The following ASRGL1 variants were observed in gnomAD, a reference collection of about 807,000 sequenced individuals.
ASRGL1 encodes isoaspartyl peptidase/L-asparaginase.
ASRGL1 carries 16 observed loss-of-function variants against 22.4 expected under a neutral mutation model. The observed-to-expected ratio is 0.71, with a 90% CI of 0.48 to 1.08. The LOEUF (loss-of-function observed/expected upper bound fraction) is 1.08, where lower values mean the gene tolerates loss of function less well. Ranked by LOEUF, ASRGL1 falls within the 50% of genes least tolerant of loss-of-function variation. ASRGL1 has a pLI of 0.00. For missense variants in ASRGL1, 412 were observed against 410.1 expected (o/e 1.00, Z -0.04); for synonymous variants, 165 against 159.3 (o/e 1.04, Z -0.27).
At chr11:62,358,738 A>G (rs773758288) in intron 4 of ASRGL1, among the ~76,000 whole-genome samples, 3 of 152,174 alleles carry the variant, frequency 2.0e-5, no homozygotes, top group Admixed American at 6.5e-5. Context: ...AACACCACTC[A>G]GCCATCAAGG....
intron 2 of ASRGL1, 23 bp downstream of exon 2, chr11:62,338,190 A>G (rs746536552): frequency 1.3e-6 from 2 of 1,518,914 alleles, no homozygotes; most frequent in Non-Finnish European, 1.8e-6. Flanking sequence ...TTCAGCTAGT[A>G]AATAATGTGA....
chr11:62,362,094 C>T (rs1229895949), intron 4 of ASRGL1, among the ~76,000 whole-genome samples: 1 of 152,098 alleles, frequency 6.6e-6, no homozygotes, highest in South Asian at 2.1e-4. Flanking sequence ...TACTATGTGA[C>T]ATATACAGCC....
chr11:62,401,359 G>A, the ASRGL1 span, among the ~76,000 whole-genome samples: 2 of 152,178 alleles, frequency 1.3e-5, no homozygotes, highest in African/African-American at 2.4e-5. Flanking sequence ...TGAGAACAGA[G>A]ACCACCTCTG....
chr11:62,398,638 C>A, the ASRGL1 span, among the ~76,000 whole-genome samples: 5 of 152,212 alleles, frequency 3.3e-5, no homozygotes, highest in East Asian at 3.9e-4. Context: ...CTCCTCCTCC[C>A]ATCTGCTCCC....
chr11:62,338,064 A>G lies in ASRGL1; in HGVS notation c.87A>G (p.Arg29=). 6.2e-7 allele frequency: 1 copy of G among 1,608,202 alleles called. No homozygotes were observed. The highest frequency in any genetic ancestry group is 8.5e-7 in the Non-Finnish European group (1 of 1,177,798). The change falls in exon 2 of 7, where the codon AGA becomes AGG. Residue 29 remains arginine, a synonymous_variant. Transcript: ENST00000415229. ...RKERVHQGMV[R]AATVGYGILR... ...AGCGAGTGCACCAGGGCATGGTCAG[A>G]GCCGCCACCGTGGGCTACGGCATCC... is the stretch of plus-strand genomic sequence containing the variant.
At chr11:62,366,973 G>A (rs1190752036) in intron 4 of ASRGL1, among the ~76,000 whole-genome samples, 1 of 152,206 alleles carries the variant, frequency 6.6e-6, no homozygotes, top group Non-Finnish European at 1.5e-5. Context: ...GGGAGGCTGA[G>A]GCGGGTGGAT....
intron 5 of ASRGL1, among the ~76,000 whole-genome samples, chr11:62,390,468 C>G (rs1462175109): frequency 6.6e-6 from 1 of 152,190 alleles, no homozygotes; most frequent in East Asian, 1.9e-4. Context: ...AGGACAGCTT[C>G]ACACGCCCGA....
chr11:62,366,495 A>G (rs1475041239), intron 4 of ASRGL1, among the ~76,000 whole-genome samples: 2 of 132,540 alleles, frequency 1.5e-5, no homozygotes, highest in African/African-American at 5.0e-5. Flanking sequence ...TTCCTTATCT[A>G]ACAGGTAAAG....
chr11:62,376,762 G>T (rs10897264), intron 4 of ASRGL1, among the ~76,000 whole-genome samples: 117,945 of 152,010 alleles, frequency 0.78, 46,002 homozygotes, highest in South Asian at 0.84. Context: ...AATTTTCCAC[G>T]GATTTAAGAA....
intron 4 of ASRGL1, chr11:62,372,635 G>C: frequency 1.1e-6 from 1 of 910,934 alleles, no homozygotes; most frequent in African/African-American, 1.6e-5. Flanking sequence ...ACCACATGCT[G>C]GTCCTGGACT....
Position 62,361,486 on chromosome 11 carries a change from T to A in ASRGL1, c.491+4342T>A, listed in dbSNP as rs902453878. On this transcript the variant is annotated intron_variant, in intron 4 of 6. Coordinates refer to ENST00000415229, the MANE Select transcript of ASRGL1 (RefSeq NM_001083926.2). ...TGAGCCACCAAACCTGGCCAATTTT[T>A]TTTTTTTTTTTTTTTTTTTTGAGAC... 7.7e-3 allele frequency among the ~76,000 whole-genome samples: 1,100 copies of A among 143,716 alleles called. 12 individuals carry two copies. The highest frequency in any genetic ancestry group is 0.012 in the Non-Finnish European group (759 of 65,536). The allele number at this position is 143,716 out of a possible 152,430, so 94.3% of individuals were successfully genotyped here. A position where few individuals can be genotyped will look rare whatever the true frequency, so the allele number is the denominator to read the frequency against.
downstream of ASRGL1, among the ~76,000 whole-genome samples, chr11:62,396,946 C>G (rs567355258): frequency 6.6e-6 from 1 of 152,202 alleles, no homozygotes; most frequent in Non-Finnish European, 1.5e-5. Context: ...AATACTGAGG[C>G]TCCTCTCAGC....
intron 4 of ASRGL1, among the ~76,000 whole-genome samples, chr11:62,374,323 G>A (rs1300122809): frequency 1.3e-5 from 2 of 152,198 alleles, no homozygotes; most frequent in Non-Finnish European, 2.9e-5. Flanking sequence ...ACTGCACTGA[G>A]TGAGTTATGA....
At chr11:62,344,078 A>G (rs998731532) in intron 2 of ASRGL1, among the ~76,000 whole-genome samples, 1 of 151,868 alleles carries the variant, frequency 6.6e-6, no homozygotes, top group Non-Finnish European at 1.5e-5. Context: ...TTGTATTTTT[A>G]GTAGACATGG....
At chr11:62,379,706 C>A (rs954017713) in intron 4 of ASRGL1, among the ~76,000 whole-genome samples, 1 of 152,182 alleles carries the variant, frequency 6.6e-6, no homozygotes, top group Non-Finnish European at 1.5e-5. Flanking sequence ...AAATCTACTG[C>A]TACACTGCCG....
downstream of ASRGL1, among the ~76,000 whole-genome samples, chr11:62,395,232 G>A (rs1947417320): frequency 6.6e-6 from 1 of 152,170 alleles, no homozygotes; most frequent in Admixed American, 6.5e-5. Context: ...CTCTGCCCTG[G>A]GCGCTGCCAG....
chr11:62,364,256 C>T (rs1379317898), intron 4 of ASRGL1, among the ~76,000 whole-genome samples: 2 of 136,316 alleles, frequency 1.5e-5, no homozygotes, highest in Non-Finnish European at 3.2e-5. Context: ...TGTGTGTGTG[C>T]GCGTGCATGT....
intron 4 of ASRGL1, among the ~76,000 whole-genome samples, chr11:62,377,800 A>G (rs1007089613): frequency 2.6e-5 from 4 of 152,182 alleles, no homozygotes; most frequent in Admixed American, 2.0e-4. Flanking sequence ...AATTAATGTA[A>G]CTATTTGATC....
At chr11:62,399,408 T>G in the ASRGL1 span, among the ~76,000 whole-genome samples, 5 of 152,182 alleles carry the variant, frequency 3.3e-5, no homozygotes, top group African/African-American at 1.2e-4. Context: ...CTTCTGCTGT[T>G]GTTCTGCCGG....
Sources: allele counts gnomAD v4.1 joint callset (sites outside exome capture counted in the v4.1 genomes callset), GRCh38; gene constraint gnomAD v4.1.1; transcripts MANE v1.5; gene names NCBI Gene and HGNC (gene_info 2026-07-23, HGNC 2026-07-21).